KLHL32: variants seen among roughly 807,000 people sequenced by gnomAD.
The protein encoded by KLHL32 is kelch like family member 32.
In KLHL32, 35 loss-of-function variants were observed where a neutral mutation model predicts 64.8. The ratio of observed to expected loss-of-function variants is 0.54; its 90% CI spans 0.41 to 0.72. The LOEUF (loss-of-function observed/expected upper bound fraction) is 0.72. KLHL32 is among the 30% of genes least tolerant of loss of function. KLHL32 has a pLI of 0.00. For synonymous variants in KLHL32, 259 were observed against 281.0 expected, an observed-to-expected ratio of 0.92 and a Z score of 0.78; for missense variants, 589 against 768.5, an observed-to-expected ratio of 0.77 and a Z score of 2.76.
intron 4 of KLHL32, among the ~76,000 whole-genome samples, chr6:97,043,447 T>TTTTC (rs1244601246): frequency 7.4e-6 from 1 of 134,864 alleles, no homozygotes; most frequent in Non-Finnish European, 1.5e-5. Flanking sequence ...ACATACCATC[T>TTTTC]TTTCTTTATT....
At chr6:96,994,652 G>A in intron 3 of KLHL32, 2 of 981,080 alleles carry the variant, frequency 2.0e-6, no homozygotes, top group Non-Finnish European at 2.4e-6. Context: ...TATGATTAAT[G>A]AATGATTAGT....
At chr6:97,045,876 A>G (rs900675132) in intron 4 of KLHL32, among the ~76,000 whole-genome samples, 1 of 152,210 alleles carries the variant, frequency 6.6e-6, no homozygotes, top group Non-Finnish European at 1.5e-5. Flanking sequence ...GGGCAGCCAT[A>G]TCCCATTGCC....
chr6:97,022,064 C>T (rs578004598), intron 3 of KLHL32, among the ~76,000 whole-genome samples: 1 of 150,886 alleles, frequency 6.6e-6, no homozygotes, highest in Non-Finnish European at 1.5e-5. Context: ...GCAGTATCCT[C>T]CTAGTCTGTT....
chr6:97,110,777 C>T (rs910140859), intron 6 of KLHL32, among the ~76,000 whole-genome samples: 15 of 152,198 alleles, frequency 9.9e-5, no homozygotes, highest in Non-Finnish European at 2.2e-4. Flanking sequence ...AACCGGAGCA[C>T]GGGCAATGGA....
At chr6:97,075,200 A>C (rs1056995964) in intron 5 of KLHL32, among the ~76,000 whole-genome samples, 1 of 152,188 alleles carries the variant, frequency 6.6e-6, no homozygotes, top group African/African-American at 2.4e-5. Context: ...GACTCCAAAA[A>C]TTAGAGCATG....
rs1002538688 is a variant in KLHL32 at position 97,114,077 on chromosome 6, C to T, written c.922C>T (p.Arg308Trp). Residue 308 changes from arginine to tryptophan, a missense_variant, in exon 7 of 11, where the codon CGG becomes TGG. By Grantham distance (101) the Arg-to-Trp change is moderately radical. Coordinates refer to ENST00000369261, the MANE Select transcript of KLHL32 (RefSeq NM_052904.4). ...CGAGGTCTGCAAGGTCAAGGAACTT[C>T]GGTACTTCAATCCTGTTGATCAGGA... ...KREVCKVKEL[R>W]YFNPVDQENA... 19 of 1,614,186 alleles carry T rather than the reference C, an allele frequency of 1.2e-5. No individual in the cohort carries two copies. The highest frequency in any genetic ancestry group is 2.2e-5 in the South Asian group (2 of 91,078).
chr6:97,122,899 C>T (rs1798509195), intron 7 of KLHL32, among the ~76,000 whole-genome samples: 1 of 152,210 alleles, frequency 6.6e-6, no homozygotes, highest in Non-Finnish European at 1.5e-5. Flanking sequence ...TGAACCTGGC[C>T]ACTGCAGGTC....
intron 1 of KLHL32, among the ~76,000 whole-genome samples, chr6:96,949,907 T>A (rs554577588): frequency 1.3e-5 from 2 of 152,210 alleles, no homozygotes; most frequent in Admixed American, 6.5e-5. Flanking sequence ...ATCAATATTG[T>A]TTTTTCTTTT....
intron 10 of KLHL32, among the ~76,000 whole-genome samples, chr6:97,136,672 T>A (rs1367537944): frequency 6.6e-6 from 1 of 152,346 alleles, no homozygotes; most frequent in Admixed American, 6.5e-5. Context: ...TACTATTATT[T>A]TTTTTGGCTG....
At chr6:97,017,433 G>T (rs554040998) in intron 3 of KLHL32, among the ~76,000 whole-genome samples, 3 of 152,210 alleles carry the variant, frequency 2.0e-5, no homozygotes, top group South Asian at 4.1e-4. Context: ...TTTGAGGTTT[G>T]CTGGTAGCAT....
chr6:96,998,312 C>G (rs1778637206), intron 3 of KLHL32, among the ~76,000 whole-genome samples: 1 of 152,200 alleles, frequency 6.6e-6, no homozygotes, highest in Admixed American at 6.5e-5. Context: ...GGGCTCGATG[C>G]TGTAATTAGA....
At chr6:97,044,327 T>C (rs1785592329) in intron 4 of KLHL32, among the ~76,000 whole-genome samples, 1 of 152,138 alleles carries the variant, frequency 6.6e-6, no homozygotes, top group Admixed American at 6.5e-5. Flanking sequence ...TGAATCATCA[T>C]TGCATCCCAG....
intron 3 of KLHL32, among the ~76,000 whole-genome samples, chr6:97,036,972 A>G: frequency 6.6e-6 from 1 of 152,236 alleles, no homozygotes; most frequent in Non-Finnish European, 1.5e-5. Flanking sequence ...AAGCTGTACT[A>G]TGTGGAACAT....
chr6:96,985,700 C>T (rs540717568), intron 3 of KLHL32, among the ~76,000 whole-genome samples: 2 of 152,196 alleles, frequency 1.3e-5, no homozygotes, highest in Non-Finnish European at 2.9e-5. Context: ...ACGTAGTTCT[C>T]GTGCCTTGGT....
At chr6:97,129,815 G>A (rs923262462) in intron 8 of KLHL32, among the ~76,000 whole-genome samples, 2 of 152,074 alleles carry the variant, frequency 1.3e-5, no homozygotes, top group Admixed American at 1.3e-4. Flanking sequence ...CCTGGGAGGC[G>A]GAGGTTGCAG....
chr6:97,050,279 C>T (rs1319667571), intron 4 of KLHL32, among the ~76,000 whole-genome samples: 1 of 152,136 alleles, frequency 6.6e-6, no homozygotes, highest in Admixed American at 6.5e-5. Flanking sequence ...CGCAACCCCC[C>T]AACCCAAAAT....
At chr6:97,039,253 G>C (rs9487817) in intron 3 of KLHL32, among the ~76,000 whole-genome samples, 17,772 of 152,034 alleles carry the variant, frequency 0.12, 1,098 homozygotes, top group African/African-American at 0.15. Flanking sequence ...TGGAATTAGA[G>C]GTCATTATGT....
intron 9 of KLHL32, among the ~76,000 whole-genome samples, chr6:97,131,953 A>G (rs570440668): frequency 9.2e-5 from 14 of 152,268 alleles, no homozygotes; most frequent in Admixed American, 2.6e-4. Context: ...GTGTCAGCCC[A>G]TCAATAAAAA....
intron 3 of KLHL32, among the ~76,000 whole-genome samples, chr6:97,002,827 A>C (rs1158020256): frequency 6.6e-6 from 1 of 152,226 alleles, no homozygotes; most frequent in Non-Finnish European, 1.5e-5. Context: ...ATGGTTACAC[A>C]AAAAAGAATA....
Sources: allele counts gnomAD v4.1 joint callset (sites outside exome capture counted in the v4.1 genomes callset), GRCh38; gene constraint gnomAD v4.1.1; transcripts MANE v1.5; gene names NCBI Gene and HGNC (gene_info 2026-07-23, HGNC 2026-07-21).